Variants in ULK3 observed in about 807,000 individuals in gnomAD.
ULK3 encodes serine/threonine-protein kinase ULK3.
A neutral mutation model predicts 69.4 loss-of-function variants in ULK3; 54 were observed. The observed-to-expected ratio is 0.78, with a 90% CI of 0.63 to 0.98. The LOEUF (loss-of-function observed/expected upper bound fraction) is 0.98. Among genes scored for constraint, ULK3 ranks in the 50% least tolerant of loss-of-function variants. ULK3 has a pLI of 0.00. For missense variants in ULK3, 558 were observed against 627.7 expected, an observed-to-expected ratio of 0.89 and a Z score of 1.19; for synonymous variants, 240 against 254.5, an observed-to-expected ratio of 0.94 and a Z score of 0.54.
At position 74,837,258 on chromosome 15, in the gene ULK3, G is replaced by A; in HGVS notation, c.1403-14C>T. 2 of 1,596,674 alleles carry A rather than the reference G, an allele frequency of 1.3e-6. No homozygotes were observed. Among genetic ancestry groups the A allele is most frequent in the Non-Finnish European group, 1.7e-6 (2 of 1,170,106 alleles). On this transcript the variant is annotated splice_polypyrimidine_tract_variant and intron_variant, in intron 15 of 15. Coordinates refer to ENST00000440863, the MANE Select transcript of ULK3 (RefSeq NM_001099436.4). Reference sequence around the variant, plus strand: ...GAAGGGTGCAAGCTACGGGGGTGAGGGGGACAATGGGGGAGGGTCAGTCTC... The same window carrying A: ...GAAGGGTGCAAGCTACGGGGGTGAGAGGGACAATGGGGGAGGGTCAGTCTC...
chr15:74,842,066 G>T lies in ULK3; in HGVS notation c.364+9C>A, dbSNP rs777353178. The T allele has an allele frequency of 6.2e-7, 1 of 1,613,632 alleles. No individual in the cohort carries two copies. The highest frequency in any genetic ancestry group is 8.5e-7 in the Non-Finnish European group (1 of 1,179,876). On this transcript the variant is annotated intron_variant, in intron 3 of 15. Coordinates refer to ENST00000440863, the MANE Select transcript of ULK3 (RefSeq NM_001099436.4). This position sits in a 1 kb window ranked among gnomAD's most constrained non-coding sequence, Gnocchi z 4.9. Reference sequence around the variant, plus strand: ...GACAGAGTGTCAGGCTGGTGTCACAGGCCTTTACCTAATTGCTGCATGAAG... The same window carrying T: ...GACAGAGTGTCAGGCTGGTGTCACATGCCTTTACCTAATTGCTGCATGAAG...
Position 74,840,609 on chromosome 15 carries a change from C to T in ULK3, c.502G>A (p.Asp168Asn). 6.3e-7 allele frequency: 1 copy of T among 1,596,798 alleles called. No individual in the cohort carries two copies. The highest frequency in any genetic ancestry group is 8.5e-7 in the Non-Finnish European group (1 of 1,173,134). Reference protein sequence around the residue: ...FGFAQHMSPWDEKHVLRGSPL... With the variant: ...FGFAQHMSPWNEKHVLRGSPL... ...GAGCCACGGAGCACGTGCTTCTCAT[C>T]CCACGGGGACATGTGTTGTGCGAAA... Residue 168 changes from aspartate (D) to asparagine (N), a missense_variant, in exon 5 of 16, where the codon GAT becomes AAT. Transcript: ENST00000440863.
In ULK3 at chr15:74,841,454, T is replaced by A. The variant is rs774214882; in HGVS notation, c.420A>T (p.Pro140=). The change falls in exon 4 of 16, where the codon CCA becomes CCT. Residue 140 remains proline (P), a synonymous_variant. Coordinates refer to ENST00000440863, the MANE Select transcript of ULK3 (RefSeq NM_001099436.4). ...ERNISHLDLK[P]QNILLSSLEK... ...CCAAGGAGCTCAGTAGAATGTTCTGTGGCTTCAGATCCAGGTGAGAGATAT... is the reference window on the plus strand; with the variant it reads ...CCAAGGAGCTCAGTAGAATGTTCTGAGGCTTCAGATCCAGGTGAGAGATAT... The A allele has an allele frequency of 6.2e-7, 1 of 1,613,932 alleles. No individual in the cohort carries two copies. Among genetic ancestry groups the A allele is most frequent in the South Asian group, 1.1e-5 (1 of 91,084 alleles).
Position 74,840,240 on chromosome 15 carries a change from G to A in ULK3, c.690C>T (p.Val230=), listed in dbSNP as rs1353136277. ...ELEEKIRSNR[V]IELPLRPLLS... is the part of the protein sequence containing the mutation. The stretch of plus-strand genomic sequence containing the variant: ...AAGGCCCTGCTAGACACACCTCGAT[G>A]ACCCGGTTGCTACGGATCTTCTCTT... The change falls in exon 6 of 16, where the codon GTC becomes GTT. Residue 230 remains valine (V), a synonymous_variant. Transcript: ENST00000440863. 1 of 1,609,266 alleles carries A rather than the reference G, an allele frequency of 6.2e-7. No homozygotes were observed. The highest frequency in any genetic ancestry group is 8.5e-7 in the Non-Finnish European group (1 of 1,178,058).
intron 6 of ULK3, 51 bp downstream of exon 6, chr15:74,840,183 G>A: frequency 1.3e-6 from 2 of 1,556,864 alleles, no homozygotes; most frequent in Non-Finnish European, 1.7e-6. Flanking sequence ...AACCCTCAGG[G>A]CCCTGACTCC....
chr15:74,839,704 G>C lies in ULK3; in HGVS notation c.706C>G (p.Arg236Gly), dbSNP rs540997889. The C allele has an allele frequency of 9.1e-6, 14 of 1,544,818 alleles. No homozygotes were observed. The highest frequency in any genetic ancestry group is 1.2e-5 in the Non-Finnish European group (14 of 1,148,230). ...CGGCAGTCTCGGGAGAGCAGGGGCC[G>C]CAAGGGGAGCTGCAGGGAAGGGAAC... ...RSNRVIELPLRPLLSRDCRDL... is the reference protein window; with the variant it reads ...RSNRVIELPLGPLLSRDCRDL... The change falls in exon 7 of 16, where the codon CGG (arginine) becomes GGG (glycine). Residue 236 changes from arginine (R) to glycine (G), a missense_variant. By Grantham distance (125) the Arg-to-Gly change is moderately radical. Coordinates refer to ENST00000440863, the MANE Select transcript of ULK3 (RefSeq NM_001099436.4).
intron 7 of ULK3, 69 bp from the exon 8 acceptor site, chr15:74,839,442 A>G: frequency 4.5e-6 from 7 of 1,543,092 alleles, no homozygotes; most frequent in Non-Finnish European, 5.3e-6. Flanking sequence ...ATGGGAGATC[A>G]GCTCCCCTGA....
Position 74,839,729 on chromosome 15 carries a change from C to A in ULK3, c.697-16G>T. The A allele has an allele frequency of 6.6e-7, 1 of 1,520,186 alleles. No homozygotes were observed. Among genetic ancestry groups the A allele is most frequent in the African/African-American group, 1.4e-5 (1 of 73,104 alleles). 94.2% of individuals were successfully genotyped at this position (1,520,186 alleles called of 1,614,324 possible). A position where few individuals can be genotyped will look rare whatever the true frequency, so the allele number is the denominator to read the frequency against. On this transcript the variant is annotated splice_polypyrimidine_tract_variant and intron_variant, in intron 6 of 15. Coordinates refer to ENST00000440863, the MANE Select transcript of ULK3 (RefSeq NM_001099436.4). The stretch of plus-strand genomic sequence containing the variant: ...GCAAGGGGAGCTGCAGGGAAGGGAA[C>A]GGCAGGGACAGATCACACTGGGCTC...
chr15:74,838,924 T>A, intron 9 of ULK3, 86 bp downstream of exon 9: 3 of 1,524,066 alleles, frequency 2.0e-6, no homozygotes, highest in Non-Finnish European at 2.7e-6. Flanking sequence ...AAGTTCCAAT[T>A]CTAAGAGAGC....
At position 74,838,287 on chromosome 15, in the gene ULK3, C is replaced by T. The variant is rs1008991958; in HGVS notation, c.1225G>A (p.Glu409Lys). 1 of 1,562,364 alleles carries T rather than the reference C, an allele frequency of 6.4e-7. No individual in the cohort carries two copies. The highest frequency in any genetic ancestry group is 8.7e-7 in the Non-Finnish European group (1 of 1,153,452). The change falls in exon 12 of 16, where the codon GAG (glutamate) becomes AAG (lysine). Residue 409 changes from glutamate (E) to lysine (K), a missense_variant. Transcript: ENST00000440863. The part of the protein sequence containing the change: ...ALDLYQHSLG[E>K]LLLLLAAEPP... ...TCACCTGCCAGCAACAGCAGTAGCT[C>T]CCCCAGGCTGTGCTGGTACAGGTCC...
In ULK3 at chr15:74,836,326, G is replaced by A. The variant is rs1426651785; in HGVS notation, c.*902C>T. The A allele has an allele frequency of 6.6e-6, 1 of 152,208 alleles. No homozygotes were observed. Among genetic ancestry groups the A allele is most frequent in the Middle Eastern group, 3.2e-3 (1 of 316 alleles). The allele number at this position is 152,208 out of a possible 1,614,324, so 9.4% of individuals were successfully genotyped here. On this transcript the variant is annotated 3_prime_UTR_variant, in exon 16 of 16. Transcript: ENST00000440863. The surrounding 1 kb of genome is among the most constrained non-coding windows in gnomAD (Gnocchi z 4.0). ...GTCCTCATAAGTGCCCATGCTGTGG[G>A]CTGTGAAGGTATCAGCCCCATTGAA...
At chr15:74,840,854 T>A in intron 4 of ULK3, 1 of 609,974 alleles carries the variant, frequency 1.6e-6, no homozygotes, top group East Asian at 3.2e-5. Flanking sequence ...TGGGCACCTT[T>A]TCCTAGGAAG....
In ULK3 at chr15:74,842,148, G is replaced by A. The variant is rs368533374; in HGVS notation, c.291C>T (p.Gly97=). The A allele has an allele frequency of 5.6e-6, 9 of 1,613,926 alleles. No individual in the cohort carries two copies. Among genetic ancestry groups the A allele is most frequent in the African/African-American group, 4.0e-5 (3 of 75,020 alleles). Reference sequence around the variant, plus strand: ...GGGTATGGATGAAGCGAGACAGGTCGCCCCCTGCGCAAAACTCCATGATGA... The same window carrying A: ...GGGTATGGATGAAGCGAGACAGGTCACCCCCTGCGCAAAACTCCATGATGA... The part of the protein sequence containing the change: ...IYLIMEFCAG[G]DLSRFIHTRR... Residue 97 remains glycine, a synonymous_variant, in exon 3 of 16, where the codon GGC becomes GGT. Transcript: ENST00000440863. The surrounding 1 kb of genome is among the most constrained non-coding windows in gnomAD (Gnocchi z 4.9).
Position 74,842,127 on chromosome 15 carries a change from A to G in ULK3, c.312T>C (p.His104=). 1 of 1,613,998 alleles carries G rather than the reference A, an allele frequency of 6.2e-7. No individual in the cohort carries two copies. The highest frequency in any genetic ancestry group is 8.5e-7 in the Non-Finnish European group (1 of 1,179,894). ...CAGGDLSRFI[H]TRRILPEKVA... is the part of the protein sequence containing the mutation. ...CCTTCTCAGGCAGAATCCTGCGGGT[A>G]TGGATGAAGCGAGACAGGTCGCCCC... Residue 104 remains histidine (H), a synonymous_variant, in exon 3 of 16, where the codon CAT becomes CAC. Coordinates refer to ENST00000440863, the MANE Select transcript of ULK3 (RefSeq NM_001099436.4). This position sits in a 1 kb window ranked among gnomAD's most constrained non-coding sequence, Gnocchi z 4.9.
Position 74,843,081 on chromosome 15 carries a change from G to A in ULK3, c.25C>T (p.Pro9Ser). The change falls in exon 1 of 16, where the codon CCG becomes TCG. Residue 9 changes from proline (P) to serine (S), a missense_variant. Coordinates refer to ENST00000440863, the MANE Select transcript of ULK3 (RefSeq NM_001099436.4). ...GTGAGGATGAAGCCGTCCAGGCGCG[G>A]GGGACCCCAGCCGGGCCCCGCCATT... is the stretch of plus-strand genomic sequence containing the variant. MAGPGWGP[P>S]RLDGFILTER... is the part of the protein sequence containing the mutation. 3 of 1,408,426 alleles carry A rather than the reference G, an allele frequency of 2.1e-6. No individual in the cohort carries two copies. Among genetic ancestry groups the A allele is most frequent in the African/African-American group, 3.0e-5 (2 of 67,684 alleles). 87.2% of individuals were successfully genotyped at this position (1,408,426 alleles called of 1,614,324 possible).
chr15:74,836,914 T>C lies in ULK3; in HGVS notation c.*314A>G. ...GCCCTCTTCTCGGAGCCAAAAATGA[T>C]AGAGGGCTGCATGCCCCAAAACGGA... On this transcript the variant is annotated 3_prime_UTR_variant, in exon 16 of 16. Transcript: ENST00000440863. The surrounding 1 kb of genome is among the most constrained non-coding windows in gnomAD (Gnocchi z 4.0). The C allele has an allele frequency of 3.4e-6, 1 of 296,852 alleles. No individual in the cohort carries two copies. Among genetic ancestry groups the C allele is most frequent in the Non-Finnish European group, 6.3e-6 (1 of 159,906 alleles). 18.4% of individuals were successfully genotyped at this position (296,852 alleles called of 1,614,324 possible).
rs933617995 is a variant in ULK3 at position 74,841,547 on chromosome 15, C to A, written c.365-38G>T. 9 of 1,568,448 alleles carry A rather than the reference C, an allele frequency of 5.7e-6. No homozygotes were observed. The Middle Eastern group carries it at 5.0e-4, about 87-fold the overall frequency. ...ACCCACGAAGAGAGACAGTTCAGAG[C>A]CCATTCCCGCCTGCCTCTCGCCTCC... On this transcript the variant is annotated intron_variant, in intron 3 of 15. Coordinates refer to ENST00000440863, the MANE Select transcript of ULK3 (RefSeq NM_001099436.4).
rs781400311 is a variant in ULK3 at position 74,837,348 on chromosome 15, C to T, written c.1402+21G>A. 16 of 1,612,680 alleles carry T rather than the reference C, an allele frequency of 9.9e-6. No homozygotes were observed. In the South Asian group the frequency reaches 1.1e-4, roughly 11 times the overall value. On this transcript the variant is annotated intron_variant, in intron 15 of 15. Transcript: ENST00000440863. ...CCTCACCCCTCCTTGGATGGAGGAT[C>T]GACCCCAGGGCAGGACTCACAGCTA...
intron 13 of ULK3, 50 bp from the exon 14 acceptor site, chr15:74,837,848 G>A (rs752048648): frequency 1.3e-5 from 20 of 1,533,794 alleles, no homozygotes; most frequent in Admixed American, 5.8e-5. Flanking sequence ...GGCGGGGGGT[G>A]GGGTTTCAAA....
Sources: allele counts gnomAD v4.1 joint callset, GRCh38; gene constraint gnomAD v4.1.1; non-coding constraint Gnocchi (gnomAD v3.1); transcripts MANE v1.5; gene names NCBI Gene and HGNC (gene_info 2026-07-23, HGNC 2026-07-21).